SCLT1: variants seen among roughly 807,000 people sequenced by gnomAD.
SCLT1 encodes the protein sodium channel-associated protein 1.
In SCLT1, 78 loss-of-function variants were observed where a neutral mutation model predicts 112.8. That is an observed-to-expected ratio of 0.69 (90% CI 0.58 to 0.83). The LOEUF (loss-of-function observed/expected upper bound fraction) is 0.83, where lower values mean the gene tolerates loss of function less well. Ranked by LOEUF, SCLT1 falls within the 40% of genes least tolerant of loss-of-function variation. The probability of loss-of-function intolerance (pLI) is 0.00; values close to 1 mark genes in which losing one functional copy is unlikely to be tolerated. For synonymous variants in SCLT1, 257 were observed against 254.7 expected, an observed-to-expected ratio of 1.01 and a Z score of -0.09; for missense variants, 747 against 770.4, an observed-to-expected ratio of 0.97 and a Z score of 0.36.
chr4:128,976,823 A>G (rs1306029863), intron 9 of SCLT1, among the ~76,000 whole-genome samples: 1 of 152,212 alleles, frequency 6.6e-6, no homozygotes, highest in African/African-American at 2.4e-5. Flanking sequence ...GAAACAAGAT[A>G]AGCACAAGCA....
intron 6 of SCLT1, among the ~76,000 whole-genome samples, chr4:129,000,372 T>C (rs1743370491): frequency 6.6e-6 from 1 of 151,990 alleles, no homozygotes; most frequent in South Asian, 2.1e-4. Context: ...GACAATATAG[T>C]GGGCTATTTT....
intron 10 of SCLT1, among the ~76,000 whole-genome samples, chr4:128,966,605 T>G (rs1419324507): frequency 6.6e-6 from 1 of 152,182 alleles, no homozygotes; most frequent in Non-Finnish European, 1.5e-5. Flanking sequence ...TCTGTTGCTT[T>G]TAGTTTCTTC....
chr4:129,022,118 C>A lies in SCLT1; in HGVS notation c.290+16923G>T, dbSNP rs74336461. Among the ~76,000 whole-genome samples the A allele has an allele frequency of 8.2e-3, 1,246 of 152,232 alleles. 16 individuals are homozygous for A. The highest frequency in any genetic ancestry group is 0.029 in the African/African-American group (1,186 of 41,544). On this transcript the variant is annotated intron_variant, in intron 5 of 20. Transcript: ENST00000281142. ...ACAACATCAACATAAAAGACCCCCC[C>A]ACAAAAAGCCCCATCCAAAGCTCAT...
chr4:129,039,900 G>GCACACACA (rs36041794), intron 4 of SCLT1: 65 of 219,022 alleles, frequency 3.0e-4, no homozygotes, highest in East Asian at 2.0e-3. Flanking sequence ...GTGCGCGCGC[G>GCACACACA]CACACACACA....
chr4:129,089,810 C>G (rs1752679231), intron 1 of SCLT1, among the ~76,000 whole-genome samples: 1 of 152,050 alleles, frequency 6.6e-6, no homozygotes, highest in Non-Finnish European at 1.5e-5. Context: ...GGGAGCTGAA[C>G]AAGGAGAACA....
chr4:128,891,643 CTTT>C (rs5861870), intron 18 of SCLT1, among the ~76,000 whole-genome samples: 4 of 119,504 alleles, frequency 3.3e-5, no homozygotes, highest in Non-Finnish European at 3.5e-5. Flanking sequence ...CTATAATATG[CTTT>C]TTTTTTTTTT....
At chr4:128,892,170 G>C (rs1368676014) in intron 18 of SCLT1, among the ~76,000 whole-genome samples, 2 of 152,126 alleles carry the variant, frequency 1.3e-5, no homozygotes, top group Non-Finnish European at 2.9e-5. Context: ...CTTGTTCAAC[G>C]TATAAGTATT....
chr4:129,011,786 T>G (rs1051600966), intron 5 of SCLT1, among the ~76,000 whole-genome samples: 1 of 152,152 alleles, frequency 6.6e-6, no homozygotes, highest in African/African-American at 2.4e-5. Context: ...TGTCTAGAAA[T>G]TCATCCATTT....
intron 5 of SCLT1, among the ~76,000 whole-genome samples, chr4:129,035,503 C>T (rs1747100687): frequency 6.6e-6 from 1 of 151,824 alleles, no homozygotes; most frequent in South Asian, 2.1e-4. Flanking sequence ...AGCACATTGC[C>T]ACTGGAACAA....
At chr4:129,050,115 CCA>C (rs1376025188) in intron 2 of SCLT1, among the ~76,000 whole-genome samples, 1 of 152,004 alleles carries the variant, frequency 6.6e-6, no homozygotes, top group Admixed American at 6.6e-5. Context: ...TATATGTGCC[CCA>C]TTTTCTTTAT....
At position 128,887,767 on chromosome 4, in the gene SCLT1, T is replaced by C. The variant is rs117165183; in HGVS notation, c.2004+912A>G. 2.6e-5 allele frequency among the ~76,000 whole-genome samples: 4 copies of C among 152,330 alleles called. No homozygotes were observed. In the East Asian group the frequency reaches 7.7e-4, roughly 29 times the overall value. ...TTCATTGTTATTCTGCATTTTCTAC[T>C]CTATTTCCCACTGGACAACTTTTAT... On this transcript the variant is annotated intron_variant, in intron 20 of 20. Transcript: ENST00000281142.
At chr4:129,025,128 G>C (rs280600) in intron 5 of SCLT1, among the ~76,000 whole-genome samples, 2 of 151,912 alleles carry the variant, frequency 1.3e-5, no homozygotes, top group African/African-American at 4.8e-5. Flanking sequence ...ACACTCTGCA[G>C]GATATTATTC....
At chr4:128,902,290 A>G (rs1046282502) in intron 18 of SCLT1, among the ~76,000 whole-genome samples, 3 of 152,176 alleles carry the variant, frequency 2.0e-5, no homozygotes, top group African/African-American at 7.2e-5. Flanking sequence ...TGCATCAGTT[A>G]ATAATAGGAA....
intron 5 of SCLT1, among the ~76,000 whole-genome samples, chr4:129,020,069 G>A (rs1745330725): frequency 6.6e-6 from 1 of 152,050 alleles, no homozygotes; most frequent in Non-Finnish European, 1.5e-5. Context: ...GTCTCATCCT[G>A]CATAATTCCC....
chr4:128,940,563 T>G (rs1216728170), intron 17 of SCLT1, among the ~76,000 whole-genome samples: 1 of 152,002 alleles, frequency 6.6e-6, no homozygotes, highest in South Asian at 2.1e-4. Flanking sequence ...GAAATATAGT[T>G]TTTAATGACA....
intron 5 of SCLT1, among the ~76,000 whole-genome samples, chr4:129,029,822 T>C (rs1432629905): frequency 6.6e-6 from 1 of 152,106 alleles, no homozygotes; most frequent in Non-Finnish European, 1.5e-5. Context: ...AAACAAGTTC[T>C]TACAGACCTA....
chr4:129,049,474 T>C (rs1157923931), intron 2 of SCLT1, among the ~76,000 whole-genome samples: 1 of 101,074 alleles, frequency 9.9e-6, no homozygotes, highest in African/African-American at 3.9e-5. Context: ...CTCTGGGGAC[T>C]GTTGTGGGGT....
chr4:128,947,856 T>C (rs933048504), intron 15 of SCLT1, among the ~76,000 whole-genome samples: 4 of 152,308 alleles, frequency 2.6e-5, no homozygotes, highest in African/African-American at 9.6e-5. Context: ...TTTCTGGTTA[T>C]ATATACTTGT....
chr4:128,954,545 C>T (rs942636464), intron 13 of SCLT1, among the ~76,000 whole-genome samples: 8 of 152,110 alleles, frequency 5.3e-5, no homozygotes, highest in Non-Finnish European at 1.5e-5. Flanking sequence ...AGTCTCCTGA[C>T]CTCGTGATCT....
Sources: allele counts gnomAD v4.1 joint callset (sites outside exome capture counted in the v4.1 genomes callset), GRCh38; gene constraint gnomAD v4.1.1; transcripts MANE v1.5; gene names NCBI Gene and HGNC (gene_info 2026-07-23, HGNC 2026-07-21).